SPIRE2: variants seen among roughly 807,000 people sequenced by gnomAD.
The protein encoded by SPIRE2 is protein spire homolog 2.
In SPIRE2, 76 loss-of-function variants were observed where a neutral mutation model predicts 80.7. The observed-to-expected ratio is 0.94, with a 90% CI of 0.78 to 1.14. The LOEUF (loss-of-function observed/expected upper bound fraction) is 1.14. Among genes scored for constraint, SPIRE2 ranks in the 50% most tolerant of loss-of-function variants. SPIRE2 has a pLI of 0.00. For synonymous variants in SPIRE2, 535 were observed against 432.6 expected (o/e 1.24, Z -2.94); for missense variants, 1,196 against 1,015.3 (o/e 1.18, Z -2.42).
At chr16:89,861,178 C>G (rs2041741379) in intron 10 of SPIRE2, among the ~76,000 whole-genome samples, 1 of 152,174 alleles carries the variant, frequency 6.6e-6, no homozygotes, top group African/African-American at 2.4e-5. Flanking sequence ...CTGCTCAGCC[C>G]CTCTGCCCTC....
At chr16:89,857,959 T>A (rs1465238420) in intron 7 of SPIRE2, among the ~76,000 whole-genome samples, 3 of 146,578 alleles carry the variant, frequency 2.0e-5, no homozygotes, top group Non-Finnish European at 3.0e-5. Flanking sequence ...CTCGGCTCAC[T>A]GCAAGCTCTA....
intron 10 of SPIRE2, 41 bp downstream of exon 10, chr16:89,860,836 G>A (rs1158104914): frequency 8.4e-6 from 11 of 1,312,504 alleles, no homozygotes; most frequent in Non-Finnish European, 1.1e-5. Context: ...GGCCCAGGGG[G>A]CGTCTTTGCA....
At chr16:89,836,044 G>C (rs1410082174) in intron 1 of SPIRE2, among the ~76,000 whole-genome samples, 1 of 152,054 alleles carries the variant, frequency 6.6e-6, no homozygotes, top group Non-Finnish European at 1.5e-5. Context: ...GCTTGGTGGC[G>C]GGCGTCTGTA....
rs2041667347 is a variant in SPIRE2 at position 89,854,377 on chromosome 16, C to G, written c.726+11C>G. 3 of 1,611,938 alleles carry G rather than the reference C, an allele frequency of 1.9e-6. No individual in the cohort carries two copies. The highest frequency in any genetic ancestry group is 2.5e-6 in the Non-Finnish European group (3 of 1,179,636). ...GGTCACACAGACTGGGTAAGGCTCA[C>G]TCCCACCTGACCGGGCCACTGACGC... On this transcript the variant is annotated intron_variant, in intron 4 of 14. Transcript: ENST00000378247.
At chr16:89,851,764 C>G (rs550167176) in intron 3 of SPIRE2, among the ~76,000 whole-genome samples, 1 of 152,200 alleles carries the variant, frequency 6.6e-6, no homozygotes, top group East Asian at 1.9e-4. Flanking sequence ...AGGAGAACGC[C>G]AGGCCTTGGA....
intron 1 of SPIRE2, among the ~76,000 whole-genome samples, chr16:89,830,253 C>G: frequency 6.6e-6 from 1 of 151,244 alleles, no homozygotes; most frequent in East Asian, 1.9e-4. Flanking sequence ...CCTCACAGCC[C>G]CGGCAGCAGT....
chr16:89,851,843 A>G (rs2041630854), intron 3 of SPIRE2, among the ~76,000 whole-genome samples: 1 of 151,990 alleles, frequency 6.6e-6, no homozygotes, highest in South Asian at 2.1e-4. Flanking sequence ...CTGGTCTGTC[A>G]TTCCTCCCTG....
intron 1 of SPIRE2, among the ~76,000 whole-genome samples, chr16:89,832,621 C>T (rs1378271133): frequency 5.3e-5 from 8 of 152,076 alleles, no homozygotes; most frequent in Admixed American, 5.2e-4. Flanking sequence ...CCTCACTGTC[C>T]CTGGGCACCC....
At chr16:89,836,242 C>T (rs959206046) in intron 1 of SPIRE2, 1 of 455,866 alleles carries the variant, frequency 2.2e-6, no homozygotes, top group Non-Finnish European at 4.4e-6. Context: ...CCAGGATGAT[C>T]CACCTGTCAG....
At chr16:89,834,955 T>C (rs1294368081) in intron 1 of SPIRE2, among the ~76,000 whole-genome samples, 1 of 148,800 alleles carries the variant, frequency 6.7e-6, no homozygotes, top group Non-Finnish European at 1.5e-5. Flanking sequence ...CACTCGCGGC[T>C]GGCCGTCGTA....
At chr16:89,866,202 T>C (rs2041787629) in intron 12 of SPIRE2, among the ~76,000 whole-genome samples, 1 of 152,114 alleles carries the variant, frequency 6.6e-6, no homozygotes, top group African/African-American at 2.4e-5. Flanking sequence ...TCTGTTGATA[T>C]ATGCTTGGAA....
chr16:89,862,031 T>TC (rs2041749090), intron 10 of SPIRE2: 1 of 144,192 alleles, frequency 6.9e-6, no homozygotes, highest in Non-Finnish European at 1.5e-5. Context: ...GAGACAAGAG[T>TC]CTGGCTCTGT....
intron 1 of SPIRE2, chr16:89,836,512 G>A (rs2041451179): frequency 1.1e-5 from 3 of 285,514 alleles, no homozygotes; most frequent in Non-Finnish European, 2.2e-5. Context: ...TGGTAGGACG[G>A]TTCCCCTAAA....
chr16:89,830,178 C>T (rs544495108), intron 1 of SPIRE2, among the ~76,000 whole-genome samples: 7 of 151,266 alleles, frequency 4.6e-5, no homozygotes, highest in African/African-American at 1.2e-4. Flanking sequence ...CTGTGCAAGG[C>T]GTCCTCAGAG....
Position 89,859,274 on chromosome 16 carries a change from C to T in SPIRE2, c.1382C>T (p.Thr461Ile), listed in dbSNP as rs760228682. ...SEVASGLQSA[T>I]HPPGGTEPPR... The stretch of plus-strand genomic sequence containing the variant: ...GTGGCCTCTGGCCTGCAGTCGGCCA[C>T]CCACCCCCCAGGAGGGACGGAGCCA... The change falls in exon 9 of 15, where the codon ACC becomes ATC. Residue 461 changes from threonine to isoleucine, a missense_variant. Transcript: ENST00000378247. 2 of 1,606,198 alleles carry T rather than the reference C, an allele frequency of 1.2e-6. No individual in the cohort carries two copies. Among genetic ancestry groups the T allele is most frequent in the Non-Finnish European group, 8.5e-7 (1 of 1,178,662 alleles).
intron 7 of SPIRE2, among the ~76,000 whole-genome samples, chr16:89,857,434 C>T (rs1389005960): frequency 6.6e-6 from 1 of 152,102 alleles, no homozygotes; most frequent in Non-Finnish European, 1.5e-5. Flanking sequence ...CCATTCCCTG[C>T]CTAACATGAT....
At chr16:89,869,788 C>G in intron 14 of SPIRE2, 106 bp downstream of exon 14, 2 of 875,112 alleles carry the variant, frequency 2.3e-6, no homozygotes, top group Non-Finnish European at 3.7e-6. Context: ...CTAGGACACC[C>G]CAAGGAAATG....
chr16:89,860,562 C>T, intron 9 of SPIRE2, 121 bp from the exon 10 acceptor site: 2 of 682,040 alleles, frequency 2.9e-6, no homozygotes, highest in South Asian at 3.4e-5. Context: ...GGCCGCTTCT[C>T]CCCTTGACCT....
chr16:89,837,849 C>G (rs2041465277), intron 1 of SPIRE2, among the ~76,000 whole-genome samples: 1 of 152,190 alleles, frequency 6.6e-6, no homozygotes, highest in South Asian at 2.1e-4. Context: ...GAGACGAGCA[C>G]TGGCGGAAGT....
Sources: allele counts gnomAD v4.1 joint callset (sites outside exome capture counted in the v4.1 genomes callset), GRCh38; gene constraint gnomAD v4.1.1; transcripts MANE v1.5; gene names NCBI Gene and HGNC (gene_info 2026-07-23, HGNC 2026-07-21).